Variants in PPP1R9A observed in about 807,000 individuals in gnomAD.
PPP1R9A encodes neurabin-1.
Under a neutral mutation model 141.9 loss-of-function variants are expected in PPP1R9A, and 59 were observed. That is an observed-to-expected ratio of 0.42 (90% CI 0.34 to 0.52). The LOEUF (loss-of-function observed/expected upper bound fraction) is 0.52. Among genes scored for constraint, PPP1R9A ranks in the 20% least tolerant of loss-of-function variants. The pLI is 0.10. For missense variants in PPP1R9A, 1,444 were observed against 1,611.9 expected, an observed-to-expected ratio of 0.90 and a Z score of 1.78; for synonymous variants, 500 against 569.7, an observed-to-expected ratio of 0.88 and a Z score of 1.74.
chr7:94,910,480 C>A lies in PPP1R9A; in HGVS notation c.367C>A (p.Arg123=). ...TAAGTTGGAGTCTTCTGTTTCTGAA[C>A]GAATTAGTAGATTTGACACTATGTA... The part of the protein sequence containing the change: ...VVKLESSVSE[R]ISRFDTMYDG... Residue 123 remains arginine (R), a synonymous_variant, in exon 2 of 20, where the codon CGA becomes AGA. Coordinates refer to ENST00000433360, the MANE Select transcript of PPP1R9A (RefSeq NM_001166160.2). This position sits in a 1 kb window ranked among gnomAD's most constrained non-coding sequence, Gnocchi z 4.5. 1 of 1,614,088 alleles carries A rather than the reference C, an allele frequency of 6.2e-7. No individual in the cohort carries two copies. The highest frequency in any genetic ancestry group is 8.5e-7 in the Non-Finnish European group (1 of 1,180,016).
chr7:95,002,671 A>G (rs1388265331), intron 2 of PPP1R9A, among the ~76,000 whole-genome samples: 3 of 152,194 alleles, frequency 2.0e-5, no homozygotes, highest in African/African-American at 7.2e-5. Context: ...AAGAGGAACT[A>G]TCATCTCCTA....
chr7:95,067,126 T>C (rs1813056064), intron 2 of PPP1R9A, among the ~76,000 whole-genome samples: 1 of 152,250 alleles, frequency 6.6e-6, no homozygotes, highest in Non-Finnish European at 1.5e-5. Context: ...AAAGATATTT[T>C]TATACATACA....
At chr7:95,079,009 G>T (rs935814857) in intron 2 of PPP1R9A, among the ~76,000 whole-genome samples, 3 of 151,996 alleles carry the variant, frequency 2.0e-5, no homozygotes, top group Non-Finnish European at 2.9e-5. Flanking sequence ...GTCAATTTTG[G>T]CTTTTGTTGC....
At chr7:94,944,855 T>C (rs1795726442) in intron 2 of PPP1R9A, among the ~76,000 whole-genome samples, 1 of 150,936 alleles carries the variant, frequency 6.6e-6, no homozygotes, top group Non-Finnish European at 1.5e-5. Context: ...TTCCAAGGAT[T>C]AAAAAAAAAT....
intron 2 of PPP1R9A, among the ~76,000 whole-genome samples, chr7:95,029,163 C>G (rs1417819951): frequency 6.6e-6 from 1 of 152,112 alleles, no homozygotes. Context: ...ATTCTTTGCA[C>G]CAAATACTTT....
intron 8 of PPP1R9A, among the ~76,000 whole-genome samples, chr7:95,233,721 A>T (rs1796293918): frequency 6.6e-6 from 1 of 152,094 alleles, no homozygotes; most frequent in Non-Finnish European, 1.5e-5. Context: ...AAGGGACATA[A>T]CAAAAAAAGA....
chr7:94,928,243 G>A (rs182370021), intron 2 of PPP1R9A, among the ~76,000 whole-genome samples: 1 of 151,550 alleles, frequency 6.6e-6, no homozygotes, highest in African/African-American at 2.4e-5. Context: ...ACATGAAGGG[G>A]GTGTGTGTGT....
chr7:94,981,954 C>T (rs927631996), intron 2 of PPP1R9A, among the ~76,000 whole-genome samples: 1 of 151,960 alleles, frequency 6.6e-6, no homozygotes, highest in Non-Finnish European at 1.5e-5. Flanking sequence ...AGGTATTTCT[C>T]CTAATGCTAT....
intron 9 of PPP1R9A, among the ~76,000 whole-genome samples, chr7:95,249,734 C>T (rs982720829): frequency 1.3e-5 from 2 of 152,104 alleles, no homozygotes; most frequent in African/African-American, 4.8e-5. Flanking sequence ...ACATCTTTTA[C>T]TGCTCACAGA....
chr7:94,931,228 A>T (rs944973322), intron 2 of PPP1R9A, among the ~76,000 whole-genome samples: 4 of 152,136 alleles, frequency 2.6e-5, no homozygotes, highest in African/African-American at 9.7e-5. Flanking sequence ...CACCAGTAAG[A>T]GGTTTTATGT....
At chr7:95,275,110 A>T (rs1214290769) in intron 16 of PPP1R9A, among the ~76,000 whole-genome samples, 2 of 152,312 alleles carry the variant, frequency 1.3e-5, no homozygotes, top group East Asian at 1.9e-4. Context: ...TTTGATCCTT[A>T]TAGGATTGAG....
chr7:94,939,462 T>A (rs921904090), intron 2 of PPP1R9A, among the ~76,000 whole-genome samples: 1 of 152,074 alleles, frequency 6.6e-6, no homozygotes, highest in Non-Finnish European at 1.5e-5. Flanking sequence ...CCCCTTTTTA[T>A]TTTCTTTCTT....
chr7:94,967,578 A>G (rs180764883), intron 2 of PPP1R9A, among the ~76,000 whole-genome samples: 1 of 152,238 alleles, frequency 6.6e-6, no homozygotes, highest in East Asian at 1.9e-4. Context: ...TTACTTACCC[A>G]GTAGTCATTC....
chr7:95,191,534 C>T (rs1027224216), intron 5 of PPP1R9A, among the ~76,000 whole-genome samples: 3 of 151,984 alleles, frequency 2.0e-5, no homozygotes, highest in Admixed American at 6.6e-5. Context: ...AGAGTCATCC[C>T]ACAACGGTAT....
chr7:95,211,695 G>A (rs1415207300), intron 7 of PPP1R9A, among the ~76,000 whole-genome samples: 1 of 152,090 alleles, frequency 6.6e-6, no homozygotes, highest in African/African-American at 2.4e-5. Flanking sequence ...TAAAAGTTTG[G>A]GATAGATAGG....
chr7:95,161,253 G>C (rs1830429589), intron 4 of PPP1R9A, among the ~76,000 whole-genome samples: 1 of 151,936 alleles, frequency 6.6e-6, no homozygotes, highest in Admixed American at 6.6e-5. Context: ...CTGCGGTTTT[G>C]ATTTGCATTT....
At chr7:95,237,460 T>A (rs1282959143) in intron 8 of PPP1R9A, among the ~76,000 whole-genome samples, 1 of 152,052 alleles carries the variant, frequency 6.6e-6, no homozygotes, top group Non-Finnish European at 1.5e-5. Flanking sequence ...CCTGCCAAAG[T>A]GCTAGGATTA....
chr7:95,283,561 A>G (rs560213297), intron 16 of PPP1R9A, among the ~76,000 whole-genome samples: 1 of 152,320 alleles, frequency 6.6e-6, no homozygotes, highest in East Asian at 1.9e-4. Context: ...AAATTTCAAA[A>G]TTATTTAAAT....
chr7:95,074,536 G>A (rs897152464), intron 2 of PPP1R9A, among the ~76,000 whole-genome samples: 8 of 149,700 alleles, frequency 5.3e-5, no homozygotes, highest in Non-Finnish European at 8.9e-5. Flanking sequence ...GTGCAATGGC[G>A]CGATCTTGGC....
Sources: gnomAD v4.1 joint callset for allele counts (sites outside exome capture counted in the v4.1 genomes callset) on GRCh38, gnomAD v4.1.1 for gene constraint, Gnocchi (gnomAD v3.1) non-coding constraint, MANE v1.5 for transcripts, NCBI Gene and HGNC (gene_info 2026-07-23, HGNC 2026-07-21) for gene names.